CASD1: variants seen among roughly 807,000 people sequenced by gnomAD.
CASD1 encodes the protein CAS1 domain sialic acid O acetyltransferase 1, also known as N-acetylneuraminate (7)9-O-acetyltransferase.
CASD1 carries 41 observed loss-of-function variants against 100.0 expected under a neutral mutation model. The observed-to-expected ratio is 0.41, with a 90% confidence interval of 0.32 to 0.53. The LOEUF (loss-of-function observed/expected upper bound fraction) is 0.53. CASD1 is among the 20% of genes least tolerant of loss of function. The probability of loss-of-function intolerance (pLI) is 0.25; values close to 1 mark genes in which losing one functional copy is unlikely to be tolerated. For missense variants in CASD1, 774 were observed against 948.7 expected, an observed-to-expected ratio of 0.82 and a Z score of 2.42; for synonymous variants, 321 against 315.6, an observed-to-expected ratio of 1.02 and a Z score of -0.18.
At chr7:94,588,632 A>C in the CASD1 span, 1 of 1,556,868 alleles carries the variant, frequency 6.4e-7, no homozygotes, top group East Asian at 2.3e-5. Flanking sequence ...TGCCATAATT[A>C]TCTTTTAATC....
chr7:94,566,667 C>T, the CASD1 span, among the ~76,000 whole-genome samples: 1 of 152,106 alleles, frequency 6.6e-6, no homozygotes, highest in African/African-American at 2.4e-5. Flanking sequence ...CTGCTTAAAG[C>T]TAGGCATTCT....
the CASD1 span, chr7:94,585,469 A>C: frequency 6.3e-7 from 1 of 1,596,414 alleles, no homozygotes; most frequent in Non-Finnish European, 8.6e-7. Context: ...GTCTGATTAT[A>C]AATTCATTGC....
At chr7:94,559,915 A>T (rs1483764727), downstream of CASD1, among the ~76,000 whole-genome samples, 1 of 152,242 alleles carries the variant, frequency 6.6e-6, no homozygotes, top group Non-Finnish European at 1.5e-5. Flanking sequence ...TTCAAATTAA[A>T]ATATCTTCAA....
chr7:94,543,736 G>T (rs1795535887), intron 10 of CASD1, among the ~76,000 whole-genome samples: 1 of 151,848 alleles, frequency 6.6e-6, no homozygotes, highest in African/African-American at 2.4e-5. Context: ...TAGAAAGGTG[G>T]AATCACAGTG....
intron 1 of CASD1, among the ~76,000 whole-genome samples, chr7:94,513,256 G>C (rs1784164778): frequency 6.8e-6 from 1 of 145,994 alleles, no homozygotes; most frequent in Non-Finnish European, 1.5e-5. Context: ...AACCCAGGAG[G>C]CAGAGGTTGC....
At chr7:94,603,246 A>G in the CASD1 span, 1 of 1,504,524 alleles carries the variant, frequency 6.6e-7, no homozygotes, top group Non-Finnish European at 9.2e-7. Flanking sequence ...AACTCCAGCC[A>G]CATTATTTTT....
Position 94,539,064 on chromosome 7 carries a change from T to G in CASD1, c.1356+8T>G. On this transcript the variant is annotated splice_region_variant and intron_variant, in intron 10 of 17. Coordinates refer to ENST00000297273, the MANE Select transcript of CASD1 (RefSeq NM_022900.5). ...ATTTCTGGAGCAAGTACAGTAAGTA[T>G]TTGGAATTTAAGTTCAGAAAGTATA... 6.5e-7 allele frequency: 1 copy of G among 1,544,330 alleles called. No homozygotes were observed. Among genetic ancestry groups the G allele is most frequent in the Non-Finnish European group, 8.9e-7 (1 of 1,118,348 alleles).
the CASD1 span, among the ~76,000 whole-genome samples, chr7:94,606,146 C>T: frequency 9.7e-4 from 148 of 152,176 alleles, no homozygotes; most frequent in Non-Finnish European, 1.2e-3. Flanking sequence ...TCACTTTAAA[C>T]ATCAATGGTC....
At chr7:94,510,514 C>T (rs1793643475) in intron 1 of CASD1, among the ~76,000 whole-genome samples, 1 of 152,232 alleles carries the variant, frequency 6.6e-6, no homozygotes, top group Non-Finnish European at 1.5e-5. Context: ...AGGTCCGGCT[C>T]CTGAGCGGTC....
At chr7:94,554,924 T>G (rs1420974489) in intron 17 of CASD1, among the ~76,000 whole-genome samples, 1 of 152,074 alleles carries the variant, frequency 6.6e-6, no homozygotes, top group East Asian at 1.9e-4. Context: ...GATTTTGATT[T>G]TTTGTTCATC....
rs1004765275 is a variant in CASD1, at chr7:94,557,002, T to C, written c.*1244T>C. 18 of 152,052 alleles carry C rather than the reference T, an allele frequency of 1.2e-4. No homozygotes were observed. Among genetic ancestry groups the C allele is most frequent in the African/African-American group, 3.4e-4 (14 of 41,438 alleles). The allele number at this position is 152,052 out of a possible 1,614,324, so 9.4% of individuals were successfully genotyped here. A position where few individuals can be genotyped will look rare whatever the true frequency, so the allele number is the denominator to read the frequency against. On this transcript the variant is annotated 3_prime_UTR_variant, in exon 18 of 18. Transcript: ENST00000297273. ...TTGGCAAAGTATCAATTAAACTATA[T>C]GTGTTCTTTTTCAAAAATGCTGGAT...
chr7:94,610,850 C>G, the CASD1 span, among the ~76,000 whole-genome samples: 1 of 152,034 alleles, frequency 6.6e-6, no homozygotes, highest in African/African-American at 2.4e-5. Flanking sequence ...TATGAATAGA[C>G]CTATTTCCAA....
chr7:94,596,059 T>G, the CASD1 span, among the ~76,000 whole-genome samples: 1 of 152,200 alleles, frequency 6.6e-6, no homozygotes, highest in Admixed American at 6.5e-5. Flanking sequence ...ATCTGAATAA[T>G]GTGAAGGTTT....
chr7:94,624,031 A>G, the CASD1 span: 4 of 392,886 alleles, frequency 1.0e-5, no homozygotes, highest in Non-Finnish European at 1.8e-5. Flanking sequence ...ACTTACATCA[A>G]AGTCAATTCA....
chr7:94,532,014 T>G (rs1415671549), intron 5 of CASD1, among the ~76,000 whole-genome samples: 1 of 152,124 alleles, frequency 6.6e-6, no homozygotes, highest in African/African-American at 2.4e-5. Flanking sequence ...AGAAAGTGTT[T>G]AGTAAGTTAC....
At chr7:94,585,516 C>G in the CASD1 span, 1 of 1,603,998 alleles carries the variant, frequency 6.2e-7, no homozygotes, top group Non-Finnish European at 8.5e-7. Flanking sequence ...TACCATTTAC[C>G]TGCAATGTGT....
At chr7:94,520,236 A>G (rs1260238866) in intron 3 of CASD1, among the ~76,000 whole-genome samples, 2 of 152,184 alleles carry the variant, frequency 1.3e-5, no homozygotes, top group African/African-American at 4.8e-5. Flanking sequence ...ACATATCATC[A>G]TTATTATTTT....
chr7:94,581,697 A>T, the CASD1 span, among the ~76,000 whole-genome samples: 36 of 152,296 alleles, frequency 2.4e-4, no homozygotes, highest in East Asian at 6.4e-3. Context: ...CCTGCAAAGG[A>T]TATGATCTCA....
At position 94,545,413 on chromosome 7, in the gene CASD1, T is replaced by C. The variant is rs1159478201; in HGVS notation, c.1477-132T>C. 4.6e-5 allele frequency: 26 copies of C among 564,636 alleles called. No homozygotes were observed. In the Admixed American group the frequency reaches 8.0e-4, roughly 17 times the overall value. The allele number at this position is 564,636 out of a possible 1,614,324, so 35.0% of individuals were successfully genotyped here. A position where few individuals can be genotyped will look rare whatever the true frequency, so the allele number is the denominator to read the frequency against. On this transcript the variant is annotated intron_variant, in intron 11 of 17. Coordinates refer to ENST00000297273, the MANE Select transcript of CASD1 (RefSeq NM_022900.5). ...AATGTAATTTAAGGGATTAGTAATA[T>C]ATACTTGTACAGTCATTATTGAGTC... is the stretch of plus-strand genomic sequence containing the variant.
Sources: gnomAD v4.1 joint callset for allele counts (sites outside exome capture counted in the v4.1 genomes callset) on GRCh38, gnomAD v4.1.1 for gene constraint, MANE v1.5 for transcripts, NCBI Gene and HGNC (gene_info 2026-07-23, HGNC 2026-07-21) for gene names.